Variants in PAM16 observed in about 807,000 individuals in gnomAD.
PAM16 encodes presequence translocase associated motor 16.
Under a neutral mutation model 17.9 loss-of-function variants are expected in PAM16, and 11 were observed. The ratio of observed to expected loss-of-function variants is 0.62; its 90% CI spans 0.39 to 1.02. The LOEUF (loss-of-function observed/expected upper bound fraction) is 1.02. Among genes scored for constraint, PAM16 ranks in the 50% least tolerant of loss-of-function variants. The pLI is 0.01. For missense variants in PAM16, 199 were observed against 165.4 expected, an observed-to-expected ratio of 1.20 and a Z score of -1.11; for synonymous variants, 72 against 67.4, an observed-to-expected ratio of 1.07 and a Z score of -0.34.
In PAM16 at chr16:4,340,251, T is replaced by G; in HGVS notation, c.*68A>C. 6.5e-7 allele frequency: 1 copy of G among 1,533,494 alleles called. No individual in the cohort carries two copies. Among genetic ancestry groups the G allele is most frequent in the Non-Finnish European group, 8.9e-7 (1 of 1,124,308 alleles). 95.0% of individuals were successfully genotyped at this position (1,533,494 alleles called of 1,614,324 possible). A position where few individuals can be genotyped will look rare whatever the true frequency, so the allele number is the denominator to read the frequency against. The stretch of plus-strand genomic sequence containing the variant: ...AATCTGGACACATGCAAACGAGAAA[T>G]GCAGAAAAGAAATTTATTACCAAGC... On this transcript the variant is annotated 3_prime_UTR_variant, in exon 5 of 5. Coordinates refer to ENST00000318059, the MANE Select transcript of PAM16 (RefSeq NM_016069.11).
At chr16:4,350,296 A>G (rs2053828686) in intron 1 of PAM16, among the ~76,000 whole-genome samples, 10 of 149,614 alleles carry the variant, frequency 6.7e-5, no homozygotes, top group Admixed American at 6.1e-4. Context: ...TGTATATATT[A>G]TGTGTGTGTG....
intron 2 of PAM16, among the ~76,000 whole-genome samples, chr16:4,342,429 C>T (rs780548367): frequency 4.6e-5 from 7 of 151,852 alleles, no homozygotes; most frequent in Non-Finnish European, 1.0e-4. Flanking sequence ...CCGAGGTGGG[C>T]ATATCACGTG....
At chr16:4,341,067 G>A in intron 3 of PAM16, 82 bp from the exon 4 acceptor site, 5 of 1,539,006 alleles carry the variant, frequency 3.2e-6, no homozygotes, top group South Asian at 2.2e-5. Context: ...CCACGTGAGA[G>A]AGGCAACAGG....
intron 1 of PAM16, chr16:4,345,842 G>C (rs2053749815): frequency 1.0e-6 from 1 of 985,288 alleles, no homozygotes; most frequent in East Asian, 1.1e-4. Context: ...CTCAGGGATG[G>C]GATGCTGGTG....
At chr16:4,341,543 C>A in intron 2 of PAM16, 39 bp from the exon 3 acceptor site, 1 of 1,573,508 alleles carries the variant, frequency 6.4e-7, no homozygotes, top group Non-Finnish European at 8.6e-7. Flanking sequence ...TCCTCAGCAG[C>A]CCACACTTCA....
intron 2 of PAM16, among the ~76,000 whole-genome samples, chr16:4,342,997 G>T (rs908621802): frequency 6.6e-6 from 1 of 152,214 alleles, no homozygotes; most frequent in African/African-American, 2.4e-5. Context: ...CAGGTATCCA[G>T]ATGGGCCAGT....
At chr16:4,340,514 G>A (rs2053627049) in intron 4 of PAM16, 109 bp from the exon 5 acceptor site, 2 of 1,234,520 alleles carry the variant, frequency 1.6e-6, no homozygotes, top group Middle Eastern at 2.7e-4. Context: ...TTGAAGGGCA[G>A]TGGGTGGATA....
intron 1 of PAM16, among the ~76,000 whole-genome samples, chr16:4,349,460 C>G (rs751804221): frequency 2.6e-5 from 4 of 152,090 alleles, no homozygotes; most frequent in Non-Finnish European, 5.9e-5. Flanking sequence ...CCCAACTACC[C>G]GGGAGGCTGA....
At chr16:4,350,964 C>T (rs1203536278) in intron 1 of PAM16, 1 of 302,208 alleles carries the variant, frequency 3.3e-6, no homozygotes, top group Non-Finnish European at 6.1e-6. Context: ...CCGCTGCCCA[C>T]GGCTGCTCGC....
chr16:4,351,258 T>C lies in PAM16; in HGVS notation c.-24A>G. 1 of 1,465,772 alleles carries C rather than the reference T, an allele frequency of 6.8e-7. No individual in the cohort carries two copies. The highest frequency in any genetic ancestry group is 1.4e-5 in the South Asian group (1 of 70,188). The allele number at this position is 1,465,772 out of a possible 1,614,324, so 90.8% of individuals were successfully genotyped here. ...ATGGCAGCCGCTCTGCCTCCGGGGC[T>C]CAAACTCCGACTTCCTGGCCCCGCG... On this transcript the variant is annotated 5_prime_UTR_variant, in exon 1 of 5. Transcript: ENST00000318059.
rs2053620947 is a variant in PAM16, at chr16:4,340,281, A to G, written c.*38T>C. On this transcript the variant is annotated 3_prime_UTR_variant, in exon 5 of 5. Transcript: ENST00000318059. ...AAAAGAAATTTATTACCAAGCTATA[A>G]ATTAGAGGCGGCGGGGTGGGCGGGG... is the stretch of plus-strand genomic sequence containing the variant. 3.8e-6 allele frequency: 6 copies of G among 1,577,838 alleles called. No homozygotes were observed. The highest frequency in any genetic ancestry group is 5.2e-6 in the Non-Finnish European group (6 of 1,155,962).
intron 3 of PAM16, 70 bp from the exon 4 acceptor site, chr16:4,341,055 G>C: frequency 6.3e-7 from 1 of 1,585,226 alleles, no homozygotes; most frequent in Non-Finnish European, 8.7e-7. Context: ...GGCTATGTGG[G>C]GCCACGTGAG....
At chr16:4,340,456 C>A in intron 4 of PAM16, 51 bp from the exon 5 acceptor site, 1 of 1,586,412 alleles carries the variant, frequency 6.3e-7, no homozygotes, top group South Asian at 1.1e-5. Flanking sequence ...CGCCCCATAC[C>A]CCTTGCCCAC....
chr16:4,350,722 C>T (rs2053838494), intron 1 of PAM16, among the ~76,000 whole-genome samples: 1 of 152,132 alleles, frequency 6.6e-6, no homozygotes, highest in African/African-American at 2.4e-5. Flanking sequence ...TTAAAGCTAC[C>T]CTAGGTGACC....
intron 1 of PAM16, 111 bp from the exon 2 acceptor site, chr16:4,343,402 A>C: frequency 6.7e-7 from 1 of 1,487,544 alleles, no homozygotes. Flanking sequence ...GAGGTCATGA[A>C]GCACAGAGCT....
At chr16:4,348,621 C>A (rs555761273) in intron 1 of PAM16, 1 of 152,542 alleles carries the variant, frequency 6.6e-6, no homozygotes, top group East Asian at 1.9e-4. Context: ...CGGGTGAAAC[C>A]CTTTCCAGGC....
intron 2 of PAM16, among the ~76,000 whole-genome samples, chr16:4,342,831 T>G (rs1567229935): frequency 6.6e-6 from 1 of 151,510 alleles, no homozygotes; most frequent in African/African-American, 2.4e-5. Flanking sequence ...TGGTGTCGGG[T>G]GCTTGTATTC....
At chr16:4,343,568 G>A in intron 1 of PAM16, 11 of 1,392,962 alleles carry the variant, frequency 7.9e-6, no homozygotes, top group Middle Eastern at 2.6e-4. Flanking sequence ...GCGTAGAGGA[G>A]CAAGGCAAAG....
At position 4,351,259 on chromosome 16, in the gene PAM16, CA is replaced by C; in HGVS notation, c.-26del. 1 of 1,467,074 alleles carries C rather than the reference CA, an allele frequency of 6.8e-7. No homozygotes were observed. 90.9% of individuals were successfully genotyped at this position (1,467,074 alleles called of 1,614,324 possible). On this transcript the variant is annotated 5_prime_UTR_variant, in exon 1 of 5. Transcript: ENST00000318059. ...TGGCAGCCGCTCTGCCTCCGGGGCTCAAACTCCGACTTCCTGGCCCCGCGGC... is the reference window on the plus strand; with the variant it reads ...TGGCAGCCGCTCTGCCTCCGGGGCTCAACTCCGACTTCCTGGCCCCGCGGC...
Sources: gnomAD v4.1 joint callset for allele counts (sites outside exome capture counted in the v4.1 genomes callset) on GRCh38, gnomAD v4.1.1 for gene constraint, MANE v1.5 for transcripts, NCBI Gene and HGNC (gene_info 2026-07-23, HGNC 2026-07-21) for gene names.